The following ZNF385C variants were observed in gnomAD, a reference collection of about 807,000 sequenced individuals.
ZNF385C encodes zinc finger protein 385C.
In ZNF385C, 28 loss-of-function variants were observed where a neutral mutation model predicts 35.4. The observed-to-expected ratio is 0.79, with a 90% CI of 0.59 to 1.08. The LOEUF (loss-of-function observed/expected upper bound fraction) is 1.08, where lower values mean the gene tolerates loss of function less well. Among genes scored for constraint, ZNF385C ranks in the 50% least tolerant of loss-of-function variants. The probability of loss-of-function intolerance (pLI) is 0.00; values close to 1 mark genes in which losing one functional copy is unlikely to be tolerated. For synonymous variants in ZNF385C, 248 were observed against 248.2 expected (o/e 1.00, Z 0.01); for missense variants, 605 against 595.6 (o/e 1.02, Z -0.16).
chr17:42,034,766 A>G (rs1403079090), intron 3 of ZNF385C, among the ~76,000 whole-genome samples: 1 of 149,732 alleles, frequency 6.7e-6, no homozygotes, highest in African/African-American at 2.5e-5. Flanking sequence ...CCTGGGCAAC[A>G]AGAGCGAAAC....
intron 1 of ZNF385C, among the ~76,000 whole-genome samples, chr17:42,088,056 G>A (rs868952633): frequency 1.3e-5 from 2 of 151,580 alleles, no homozygotes; most frequent in East Asian, 1.9e-4. Context: ...TTTTTTAATC[G>A]ACACTCTTAG....
At chr17:42,038,280 G>A (rs1349782383) in intron 2 of ZNF385C, 1 of 540,604 alleles carries the variant, frequency 1.8e-6, no homozygotes, top group East Asian at 3.3e-5. Flanking sequence ...AAACCCAGGG[G>A]TATTAGGAAA....
chr17:42,088,061 T>G (rs1297146279), intron 1 of ZNF385C, among the ~76,000 whole-genome samples: 11 of 152,170 alleles, frequency 7.2e-5, no homozygotes, highest in Non-Finnish European at 2.9e-5. Context: ...TAATCGACAC[T>G]CTTAGAGGGT....
chr17:42,028,448 C>T, intron 6 of ZNF385C: 2 of 599,576 alleles, frequency 3.3e-6, no homozygotes, highest in South Asian at 4.7e-5. Context: ...CCTTTCTGCA[C>T]TACAAATAGC....
At chr17:42,061,783 T>G (rs1252749841) in intron 2 of ZNF385C, 2 of 152,714 alleles carry the variant, frequency 1.3e-5, no homozygotes, top group Non-Finnish European at 2.9e-5. Context: ...GGACTGCAGC[T>G]TTGCCTTTGT....
At chr17:42,057,513 C>CGTGT (rs57813267) in intron 2 of ZNF385C, among the ~76,000 whole-genome samples, 65 of 146,950 alleles carry the variant, frequency 4.4e-4, no homozygotes, top group African/African-American at 1.6e-3. Context: ...CGCGCGCGCG[C>CGTGT]GTGTGTGTGT....
At chr17:42,056,936 A>G (rs2053385100) in intron 2 of ZNF385C, among the ~76,000 whole-genome samples, 1 of 152,142 alleles carries the variant, frequency 6.6e-6, no homozygotes, top group Non-Finnish European at 1.5e-5. Flanking sequence ...CAGCATGAAA[A>G]TGGACTAATA....
chr17:42,032,710 C>T (rs2052758243), intron 4 of ZNF385C, among the ~76,000 whole-genome samples: 1 of 151,690 alleles, frequency 6.6e-6, no homozygotes. Context: ...GAATTCTCTC[C>T]TCCATCTTTT....
Position 42,028,975 on chromosome 17 carries a change from A to C in ZNF385C, c.775T>G (p.Ser259Ala). The change falls in exon 6 of 9, where the codon TCC becomes GCC. Residue 259 changes from serine (S) to alanine (A), a missense_variant. Coordinates refer to ENST00000692273, the MANE Select transcript of ZNF385C (RefSeq NM_001392013.1). ...PAHSELLDAA[S>A]SSSSSSCPPC... The stretch of plus-strand genomic sequence containing the variant: ...GGGCAGGAGGAAGAAGAGGATGAGG[A>C]GGCAGCATCCAAGAGCTCTGAGTGG... 1 of 1,550,590 alleles carries C rather than the reference A, an allele frequency of 6.4e-7. No homozygotes were observed.
intron 3 of ZNF385C, among the ~76,000 whole-genome samples, chr17:42,034,811 AAAAAG>A (rs1298442759): frequency 6.6e-6 from 1 of 150,460 alleles, no homozygotes; most frequent in South Asian, 2.1e-4. Context: ...AAAGAAAAAG[AAAAAG>A]AAAAGGAAAG....
intron 1 of ZNF385C, chr17:42,065,512 C>A (rs138764836): frequency 1.3e-5 from 2 of 152,216 alleles, no homozygotes; most frequent in African/African-American, 4.8e-5. Flanking sequence ...ATTAATTTTA[C>A]AAGCCCAAGG....
rs966696523 is a variant in ZNF385C at position 42,050,112 on chromosome 17, C to T, written c.251-12227G>A. Among the ~76,000 whole-genome samples, 1 of 152,188 alleles carries T rather than the reference C, an allele frequency of 6.6e-6. No homozygotes were observed. The highest frequency in any genetic ancestry group is 2.1e-4 in the South Asian group (1 of 4,832). ...AAGGCTGACCAGGAGGGCACACTTG[C>T]TGCAGACACAGGTCTCCTCTCATTT... is the stretch of plus-strand genomic sequence containing the variant. On this transcript the variant is annotated intron_variant, in intron 2 of 8. Transcript: ENST00000692273. The surrounding 1 kb of genome is among the most constrained non-coding windows in gnomAD (Gnocchi z 5.6).
In ZNF385C at chr17:42,095,989, T is replaced by C. The variant is rs1236542631; in HGVS notation, c.-3+2421A>G. Among the ~76,000 whole-genome samples the C allele has an allele frequency of 6.6e-6, 1 of 152,188 alleles. No homozygotes were observed. Among genetic ancestry groups the C allele is most frequent in the Non-Finnish European group, 1.5e-5 (1 of 68,024 alleles). Reference sequence around the variant, plus strand: ...TCTCACCCTGACAAATACACCTTCATTAACAACCTGGAGGACCAGATACAA... The same window carrying C: ...TCTCACCCTGACAAATACACCTTCACTAACAACCTGGAGGACCAGATACAA... On this transcript the variant is annotated intron_variant, in intron 1 of 8. Transcript: ENST00000692273. This position sits in a 1 kb window ranked among gnomAD's most constrained non-coding sequence, Gnocchi z 4.4.
rs1161295764 is a variant in ZNF385C, at chr17:42,067,559, A to G, written c.-2-4501T>C. ...AGTCCCCACACTCAAGGGGCAATGC[A>G]GCTGTCTCCTGGAGCCACACCACGG... is the stretch of plus-strand genomic sequence containing the variant. On this transcript the variant is annotated intron_variant, in intron 1 of 8. Transcript: ENST00000692273. Among the ~76,000 whole-genome samples, 3 of 152,184 alleles carry G rather than the reference A, an allele frequency of 2.0e-5. 1 individual carries two copies. The highest frequency in any genetic ancestry group is 1.5e-5 in the Non-Finnish European group (1 of 68,030).
chr17:42,028,686 T>C, intron 6 of ZNF385C, 97 bp downstream of exon 6: 1 of 1,428,484 alleles, frequency 7.0e-7, no homozygotes, highest in East Asian at 2.5e-5. Flanking sequence ...ATCCAACCCT[T>C]GAGCGAAGCA....
At chr17:42,082,344 C>T (rs2053758493) in intron 1 of ZNF385C, among the ~76,000 whole-genome samples, 1 of 152,244 alleles carries the variant, frequency 6.6e-6, no homozygotes, top group African/African-American at 2.4e-5. Context: ...GACCTCTTCC[C>T]AGAGATTCTG....
chr17:42,042,946 G>C, intron 2 of ZNF385C: 1 of 1,232,478 alleles, frequency 8.1e-7, no homozygotes, highest in African/African-American at 1.5e-5. Flanking sequence ...GCGGTCATTG[G>C]GCACATCCTC....
chr17:42,054,466 G>T (rs2053339984), intron 2 of ZNF385C, among the ~76,000 whole-genome samples: 2 of 152,170 alleles, frequency 1.3e-5, no homozygotes, highest in African/African-American at 2.4e-5. Flanking sequence ...TGCAGGGTTT[G>T]GGGAGCAGGG....
chr17:42,056,507 A>G (rs2053378536), intron 2 of ZNF385C, among the ~76,000 whole-genome samples: 1 of 152,224 alleles, frequency 6.6e-6, no homozygotes, highest in Non-Finnish European at 1.5e-5. Flanking sequence ...CACACCTGTA[A>G]TTCCAGCACT....
Sources: allele counts gnomAD v4.1 joint callset (sites outside exome capture counted in the v4.1 genomes callset), GRCh38; gene constraint gnomAD v4.1.1; non-coding constraint Gnocchi (gnomAD v3.1); transcripts MANE v1.5; gene names NCBI Gene and HGNC (gene_info 2026-07-23, HGNC 2026-07-21).